CFAP161: variants seen among roughly 807,000 people sequenced by gnomAD.
The protein encoded by CFAP161 is cilia and flagella associated protein 161.
Under a neutral mutation model 29.0 loss-of-function variants are expected in CFAP161, and 25 were observed. That is an observed-to-expected ratio of 0.86 (90% CI 0.63 to 1.20). The LOEUF (loss-of-function observed/expected upper bound fraction) is 1.20, where lower values mean the gene tolerates loss of function less well. CFAP161 is among the 50% of genes most tolerant of loss of function. CFAP161 has a pLI of 0.00. For missense variants in CFAP161, 367 were observed against 371.9 expected (o/e 0.99, Z 0.11); for synonymous variants, 116 against 137.4 (o/e 0.84, Z 1.09).
At chr15:81,147,135 A>C (rs983690331) in intron 5 of CFAP161, among the ~76,000 whole-genome samples, 3 of 151,866 alleles carry the variant, frequency 2.0e-5, no homozygotes, top group African/African-American at 7.3e-5. Flanking sequence ...CGAGCACAAG[A>C]CGAATGCATA....
At chr15:81,105,408 C>T (rs991957441) in intron 1 of CFAP161, among the ~76,000 whole-genome samples, 1 of 141,474 alleles carries the variant, frequency 7.1e-6, no homozygotes, top group Non-Finnish European at 1.5e-5. Context: ...CTCCATTCTT[C>T]CCTCACTCCT....
At chr15:81,134,597 C>T (rs552121352) in intron 1 of CFAP161, among the ~76,000 whole-genome samples, 199 bp downstream of exon 1, 23 of 152,318 alleles carry the variant, frequency 1.5e-4, no homozygotes, top group Non-Finnish European at 3.1e-4. Context: ...CTGACCTCTA[C>T]TCCGAGCACC....
chr15:81,135,722 T>C (rs1894798587), intron 2 of CFAP161, among the ~76,000 whole-genome samples: 4 of 152,142 alleles, frequency 2.6e-5, no homozygotes, highest in Non-Finnish European at 5.9e-5. Flanking sequence ...CTGCATAGTA[T>C]TCCATGGTGT....
At chr15:81,101,644 C>A (rs970319040) in intron 1 of CFAP161, among the ~76,000 whole-genome samples, 1 of 149,878 alleles carries the variant, frequency 6.7e-6, no homozygotes, top group Admixed American at 6.7e-5. Context: ...AGGCTCTGGG[C>A]AATAGCTCTT....
At chr15:81,136,377 G>A in intron 2 of CFAP161, 139 bp from the exon 3 acceptor site, 1 of 709,022 alleles carries the variant, frequency 1.4e-6, no homozygotes, top group East Asian at 2.7e-5. Flanking sequence ...GGGAAAGGAA[G>A]AAGGAACTAA....
At chr15:81,111,689 T>C (rs1180260007) in intron 1 of CFAP161, among the ~76,000 whole-genome samples, 1 of 152,200 alleles carries the variant, frequency 6.6e-6, no homozygotes, top group Non-Finnish European at 1.5e-5. Context: ...CCTGTGTCCC[T>C]CCTGGCCCTT....
At chr15:81,146,328 C>A (rs1895005277) in intron 5 of CFAP161, among the ~76,000 whole-genome samples, 1 of 152,112 alleles carries the variant, frequency 6.6e-6, no homozygotes, top group South Asian at 2.1e-4. Flanking sequence ...AACATATGTT[C>A]ACTTATGAAA....
At chr15:81,143,150 C>G (rs1348536565) in intron 4 of CFAP161, among the ~76,000 whole-genome samples, 1 of 151,464 alleles carries the variant, frequency 6.6e-6, no homozygotes, top group East Asian at 1.9e-4. Flanking sequence ...AGCTCTACAA[C>G]AAATAAAAAA....
chr15:81,134,412 G>A lies in CFAP161; in HGVS notation c.69+14G>A, dbSNP rs747181874. The A allele has an allele frequency of 5.1e-6, 8 of 1,574,720 alleles. No individual in the cohort carries two copies. In the Admixed American group the frequency reaches 1.3e-4, roughly 26 times the overall value. The stretch of plus-strand genomic sequence containing the variant: ...TACCTGGAGGAGGTACGCAGGGTGT[G>A]GCCAGGCGCAGACCCGCAGCTCAGG... On this transcript the variant is annotated intron_variant, in intron 1 of 6. Transcript: ENST00000286732.
upstream of CFAP161, among the ~76,000 whole-genome samples, chr15:81,130,920 T>C (rs780534177): frequency 2.6e-5 from 4 of 152,124 alleles, no homozygotes; most frequent in Admixed American, 6.5e-5. Context: ...ATTTGCTATC[T>C]TATATGCCCA....
intron 1 of CFAP161, among the ~76,000 whole-genome samples, chr15:81,105,117 CCCCATACCTTTCTCCCCCCTCCCCT>C (rs1894348151): frequency 2.0e-5 from 1 of 50,384 alleles, no homozygotes; most frequent in African/African-American, 8.7e-5. Context: ...TTCCTTTCTC[CCCCATACCTTTCTCCCCCCTCCCCT>C]CCCTCCCTCC....
intron 1 of CFAP161, among the ~76,000 whole-genome samples, chr15:81,121,770 A>G (rs1894576671): frequency 6.6e-6 from 1 of 152,178 alleles, no homozygotes; most frequent in South Asian, 2.1e-4. Flanking sequence ...TTACATAGGT[A>G]AACATGTCAT....
chr15:81,099,811 T>G (rs1043073682), intron 1 of CFAP161, among the ~76,000 whole-genome samples: 3 of 152,232 alleles, frequency 2.0e-5, no homozygotes, highest in Non-Finnish European at 4.4e-5. Context: ...TATTTAAATT[T>G]TCTAAGTGCT....
At chr15:81,104,844 A>G (rs1376354996) in intron 1 of CFAP161, among the ~76,000 whole-genome samples, 1 of 152,160 alleles carries the variant, frequency 6.6e-6, no homozygotes, top group African/African-American at 2.4e-5. Context: ...TGCTATTTAT[A>G]TGGCATGTTG....
chr15:81,113,166 CTTTG>C (rs1286692531), intron 1 of CFAP161, among the ~76,000 whole-genome samples: 3 of 152,092 alleles, frequency 2.0e-5, no homozygotes, highest in African/African-American at 7.2e-5. Flanking sequence ...CTTTATGTTA[CTTTG>C]TTTATCTTGT....
chr15:81,135,202 C>G, intron 1 of CFAP161, 68 bp from the exon 2 acceptor site: 3 of 1,123,820 alleles, frequency 2.7e-6, no homozygotes, highest in Non-Finnish European at 3.8e-6. Context: ...GGAAGAGCTT[C>G]TGACCTAAAA....
intron 5 of CFAP161, among the ~76,000 whole-genome samples, chr15:81,144,930 G>A (rs1211845274): frequency 2.0e-5 from 3 of 152,184 alleles, no homozygotes; most frequent in African/African-American, 7.2e-5. Flanking sequence ...CGGATGCTGG[G>A]ACCCATGGGA....
intron 1 of CFAP161, among the ~76,000 whole-genome samples, chr15:81,120,251 T>C (rs539158180): frequency 6.6e-6 from 1 of 152,252 alleles, no homozygotes; most frequent in East Asian, 1.9e-4. Context: ...TATGCTATGT[T>C]ATAGAGAAAT....
At chr15:81,113,406 G>A (rs1894461062) in intron 1 of CFAP161, among the ~76,000 whole-genome samples, 1 of 152,152 alleles carries the variant, frequency 6.6e-6, no homozygotes, top group African/African-American at 2.4e-5. Flanking sequence ...CCTGGAGTTA[G>A]TGTCAGATTT....
Sources: allele counts gnomAD v4.1 joint callset (sites outside exome capture counted in the v4.1 genomes callset), GRCh38; gene constraint gnomAD v4.1.1; transcripts MANE v1.5; gene names NCBI Gene and HGNC (gene_info 2026-07-23, HGNC 2026-07-21).